The following SORCS3 variants were observed in gnomAD, a reference collection of about 807,000 sequenced individuals.
The protein encoded by SORCS3 is VPS10 domain-containing receptor SorCS3.
A neutral mutation model predicts 146.3 loss-of-function variants in SORCS3; 57 were observed. The ratio of observed to expected loss-of-function variants is 0.39; its 90% CI spans 0.31 to 0.49. The LOEUF is 0.49. Among genes scored for constraint, SORCS3 ranks in the 20% least tolerant of loss-of-function variants. SORCS3 has a pLI of 0.92. For synonymous variants in SORCS3, 653 were observed against 618.5 expected, an observed-to-expected ratio of 1.06 and a Z score of -0.83; for missense variants, 1,341 against 1,575.5, an observed-to-expected ratio of 0.85 and a Z score of 2.52.
At chr10:105,016,134 A>AATATATATATATATATATATATATAT (rs1355412638) in intron 4 of SORCS3, among the ~76,000 whole-genome samples, 16 of 113,644 alleles carry the variant, frequency 1.4e-4, no homozygotes, top group Non-Finnish European at 2.0e-4. Context: ...ATATTATATA[A>AATATATATATATATATATATATATAT]ATATATATAT....
At chr10:104,943,318 C>T (rs753095494) in intron 3 of SORCS3, among the ~76,000 whole-genome samples, 6 of 151,978 alleles carry the variant, frequency 3.9e-5, no homozygotes, top group Admixed American at 1.3e-4. Flanking sequence ...TTAGTAGAGA[C>T]GGGGTTCCAC....
intron 4 of SORCS3, among the ~76,000 whole-genome samples, chr10:105,001,054 G>A (rs1183809546): frequency 6.6e-6 from 1 of 152,110 alleles, no homozygotes; most frequent in Non-Finnish European, 1.5e-5. Context: ...AATGTTTGTT[G>A]GGAGATGGGG....
chr10:104,754,450 T>C (rs913009560), intron 1 of SORCS3, among the ~76,000 whole-genome samples: 1 of 152,160 alleles, frequency 6.6e-6, no homozygotes, highest in Non-Finnish European at 1.5e-5. Flanking sequence ...CTGTAACCTT[T>C]AGAGGGCAAC....
intron 5 of SORCS3, among the ~76,000 whole-genome samples, chr10:105,050,983 G>A (rs1019886921): frequency 6.6e-6 from 1 of 152,074 alleles, no homozygotes; most frequent in Non-Finnish European, 1.5e-5. Context: ...TGACACCTAT[G>A]CCCAGACTCT....
At chr10:104,866,556 T>G (rs2018460724) in intron 2 of SORCS3, among the ~76,000 whole-genome samples, 1 of 152,256 alleles carries the variant, frequency 6.6e-6, no homozygotes, top group African/African-American at 2.4e-5. Flanking sequence ...AGTTATCAGC[T>G]GTAATTCATA....
At chr10:104,875,767 C>A (rs2018565318) in intron 2 of SORCS3, among the ~76,000 whole-genome samples, 1 of 152,048 alleles carries the variant, frequency 6.6e-6, no homozygotes, top group Admixed American at 6.6e-5. Flanking sequence ...AGAAGTGTTT[C>A]TAAATTGTAA....
intron 1 of SORCS3, among the ~76,000 whole-genome samples, chr10:104,805,544 G>A (rs921463882): frequency 2.4e-4 from 37 of 152,152 alleles, no homozygotes; most frequent in African/African-American, 8.7e-4. Context: ...ACCCTGAGGA[G>A]TCAGGATTTA....
At chr10:105,007,695 A>G (rs2055105419) in intron 4 of SORCS3, among the ~76,000 whole-genome samples, 1 of 151,872 alleles carries the variant, frequency 6.6e-6, no homozygotes, top group Non-Finnish European at 1.5e-5. Context: ...AGTTCATGAC[A>G]TGAACATTTA....
intron 2 of SORCS3, among the ~76,000 whole-genome samples, chr10:104,909,083 G>C (rs1341603870): frequency 6.6e-6 from 1 of 152,148 alleles, no homozygotes; most frequent in African/African-American, 2.4e-5. Context: ...GCTGATACCA[G>C]CTAGAGCAGC....
At chr10:104,871,485 C>T (rs189490766) in intron 2 of SORCS3, among the ~76,000 whole-genome samples, 102 of 152,252 alleles carry the variant, frequency 6.7e-4, no homozygotes, top group Middle Eastern at 3.4e-3. Flanking sequence ...CAGCTCTGGG[C>T]GTTTGGCAAT....
At chr10:105,249,923 G>C (rs2056889125) in intron 22 of SORCS3, among the ~76,000 whole-genome samples, 1 of 152,024 alleles carries the variant, frequency 6.6e-6, no homozygotes, top group African/African-American at 2.4e-5. Flanking sequence ...AATGAGATGA[G>C]AATGAGACTG....
intron 1 of SORCS3, among the ~76,000 whole-genome samples, chr10:104,749,107 C>A (rs1042505759): frequency 1.3e-5 from 2 of 152,102 alleles, no homozygotes; most frequent in Non-Finnish European, 2.9e-5. Context: ...ATGTCTACTG[C>A]AGTTAATTTT....
chr10:104,974,061 C>T (rs1589573929), intron 3 of SORCS3, among the ~76,000 whole-genome samples: 1 of 152,058 alleles, frequency 6.6e-6, no homozygotes, highest in African/African-American at 2.4e-5. Flanking sequence ...GTCTGAGAGA[C>T]AGTTTGTTAT....
At chr10:105,242,327 C>T (rs1300441077) in intron 20 of SORCS3, among the ~76,000 whole-genome samples, 82 of 96,594 alleles carry the variant, frequency 8.5e-4, no homozygotes, top group South Asian at 1.2e-3. Context: ...TATATTTATA[C>T]ATATATTTAT....
chr10:104,757,428 G>A (rs1365056754), intron 1 of SORCS3, among the ~76,000 whole-genome samples: 2 of 152,186 alleles, frequency 1.3e-5, no homozygotes, highest in Non-Finnish European at 2.9e-5. Flanking sequence ...TGCAAGGCAA[G>A]GGATACTTGT....
intron 1 of SORCS3, among the ~76,000 whole-genome samples, chr10:104,809,358 G>C (rs1175081084): frequency 6.6e-6 from 1 of 152,196 alleles, no homozygotes; most frequent in Non-Finnish European, 1.5e-5. Context: ...CTGGCTGTCA[G>C]CTGGGGTGCT....
chr10:104,804,030 TG>T (rs1306406292), intron 1 of SORCS3, among the ~76,000 whole-genome samples: 2 of 152,210 alleles, frequency 1.3e-5, no homozygotes, highest in African/African-American at 4.8e-5. Flanking sequence ...TTCACAAGTT[TG>T]TGGAGCTATA....
At chr10:104,797,165 T>C (rs1248072997) in intron 1 of SORCS3, among the ~76,000 whole-genome samples, 1 of 152,204 alleles carries the variant, frequency 6.6e-6, no homozygotes, top group African/African-American at 2.4e-5. Flanking sequence ...TTTTTCCTCC[T>C]TGGTTTAGAA....
chr10:105,041,536 T>C (rs2055338558), intron 4 of SORCS3, among the ~76,000 whole-genome samples: 2 of 151,324 alleles, frequency 1.3e-5, no homozygotes, highest in South Asian at 4.1e-4. Context: ...TGTGTATATA[T>C]ACATATATAA....
Sources: allele counts gnomAD v4.1 joint callset (sites outside exome capture counted in the v4.1 genomes callset), GRCh38; gene constraint gnomAD v4.1.1; transcripts MANE v1.5; gene names NCBI Gene and HGNC (gene_info 2026-07-23, HGNC 2026-07-21).